The following SLIT2 variants were observed in gnomAD, a reference collection of about 807,000 sequenced individuals.
SLIT2 encodes the protein slit homolog 2 protein.
SLIT2 carries 41 observed loss-of-function variants against 185.7 expected under a neutral mutation model. The ratio of observed to expected loss-of-function variants is 0.22; its 90% confidence interval spans 0.17 to 0.29. The LOEUF is 0.29. SLIT2 is among the 10% of genes least tolerant of loss of function. SLIT2 has a pLI of 1.00. For missense variants in SLIT2, 1,571 were observed against 1,909.0 expected (o/e 0.82, Z 3.30); for synonymous variants, 693 against 680.2 (o/e 1.02, Z -0.29).
At chr4:20,267,822 G>A (rs960608994) in intron 3 of SLIT2, among the ~76,000 whole-genome samples, 6 of 151,600 alleles carry the variant, frequency 4.0e-5, no homozygotes, top group African/African-American at 1.5e-4. Context: ...AAATACCTCT[G>A]GTTTCCTCAG....
At chr4:20,357,328 C>G (rs959732216) in intron 4 of SLIT2, among the ~76,000 whole-genome samples, 1 of 152,034 alleles carries the variant, frequency 6.6e-6, no homozygotes, top group East Asian at 1.9e-4. Context: ...GTTTGTTAGT[C>G]CTAAGAGGCT....
chr4:20,253,421 G>T lies in SLIT2; in HGVS notation c.-395G>T, dbSNP rs186074485. 0.014 allele frequency: 3,177 copies of T among 227,352 alleles called. 35 individuals carry two copies. The highest frequency in any genetic ancestry group is 0.021 in the Non-Finnish European group (2,402 of 115,040). The allele number at this position is 227,352 out of a possible 1,614,324, so 14.1% of individuals were successfully genotyped here. ...GAAGCGTGCGTGGGATCAGAGGACC[G>T]CCCTCCCCACAACAACCGGCCCCTG... On this transcript the variant is annotated 5_prime_UTR_variant, in exon 1 of 37. Coordinates refer to ENST00000504154, the MANE Select transcript of SLIT2 (RefSeq NM_004787.4).
At chr4:20,255,907 T>C (rs1711772176) in intron 1 of SLIT2, among the ~76,000 whole-genome samples, 1 of 152,182 alleles carries the variant, frequency 6.6e-6, no homozygotes, top group Non-Finnish European at 1.5e-5. Context: ...CTGGTTTTAC[T>C]TGAAGTGATT....
At chr4:20,597,288 G>A (rs1460952736) in intron 32 of SLIT2, among the ~76,000 whole-genome samples, 3 of 151,874 alleles carry the variant, frequency 2.0e-5, no homozygotes, top group African/African-American at 4.8e-5. Flanking sequence ...GGATGGTCTC[G>A]AACTCCTAAC....
intron 30 of SLIT2, among the ~76,000 whole-genome samples, chr4:20,592,016 G>T (rs896940585): frequency 6.6e-6 from 1 of 152,138 alleles, no homozygotes; most frequent in African/African-American, 2.4e-5. Flanking sequence ...TTTCATAGCT[G>T]TATGTAGGTA....
intron 3 of SLIT2, among the ~76,000 whole-genome samples, chr4:20,258,625 G>A (rs1242785009): frequency 1.3e-5 from 2 of 151,624 alleles, no homozygotes; most frequent in African/African-American, 4.8e-5. Context: ...ATTACTTGAG[G>A]ACTTTAAAAA....
intron 4 of SLIT2, among the ~76,000 whole-genome samples, chr4:20,278,707 A>G (rs61790832): frequency 0.029 from 4,471 of 151,922 alleles, 105 homozygotes; most frequent in Middle Eastern, 0.071. Context: ...GAAAGAGAGG[A>G]GTAACAAAAC....
rs148880282 is a variant in SLIT2 at position 20,377,580 on chromosome 4, C to A, written c.396-90172C>A. Among the ~76,000 whole-genome samples the A allele has an allele frequency of 6.6e-3, 1,003 of 152,218 alleles. 12 individuals are homozygous for A. Among genetic ancestry groups the A allele is most frequent in the African/African-American group, 0.023 (959 of 41,544 alleles). ...TCTGGTGTTGATTGCATATGGCAGT[C>A]CCATCATAAACTTACTCAGCCCCTC... On this transcript the variant is annotated intron_variant, in intron 4 of 36. Coordinates refer to ENST00000504154, the MANE Select transcript of SLIT2 (RefSeq NM_004787.4).
chr4:20,309,105 G>A (rs1159371048), intron 4 of SLIT2, among the ~76,000 whole-genome samples: 1 of 151,710 alleles, frequency 6.6e-6, no homozygotes, highest in Non-Finnish European at 1.5e-5. Flanking sequence ...AGTTTCCTTG[G>A]GTTTTAGATA....
intron 4 of SLIT2, among the ~76,000 whole-genome samples, chr4:20,418,336 G>GA (rs1227837340): frequency 1.3e-5 from 2 of 152,008 alleles, no homozygotes; most frequent in African/African-American, 4.8e-5. Flanking sequence ...TTTATGTGTA[G>GA]AAAAAAACAC....
chr4:20,493,447 C>A (rs997087647), intron 9 of SLIT2, among the ~76,000 whole-genome samples: 2 of 152,112 alleles, frequency 1.3e-5, no homozygotes, highest in Admixed American at 1.3e-4. Flanking sequence ...CATTAATTTT[C>A]CTGAGATCAT....
intron 4 of SLIT2, among the ~76,000 whole-genome samples, chr4:20,462,493 C>T (rs577071986): frequency 1.8e-4 from 28 of 152,262 alleles, no homozygotes; most frequent in African/African-American, 5.8e-4. Context: ...TGTAAGTTCT[C>T]CCTGAGATGA....
Position 20,618,993 on chromosome 4 carries a change from C to G in SLIT2, c.4574C>G (p.Thr1525Arg), listed in dbSNP as rs115023064. 1.2e-6 allele frequency: 2 copies of G among 1,613,762 alleles called. No homozygotes were observed. The highest frequency in any genetic ancestry group is 1.1e-5 in the South Asian group (1 of 91,076). Residue 1525 changes from threonine to arginine, a missense_variant, in exon 37 of 37, where the codon ACG (threonine) becomes AGG (arginine). Transcript: ENST00000504154. ...GAGAAAGTGGTGAAGTGCGGCTGTA[C>G]GAGGTGTGTGTCCTAAACACACTCC... ...EVEKVVKCGC[T>R]RCVS
intron 14 of SLIT2, 82 bp from the exon 15 acceptor site, chr4:20,525,067 C>A: frequency 9.9e-7 from 1 of 1,006,996 alleles, no homozygotes; most frequent in Non-Finnish European, 1.6e-6. Context: ...AACTTTAGTC[C>A]ATTCTTAATC....
intron 1 of SLIT2, chr4:20,255,021 C>T: frequency 2.2e-6 from 1 of 456,338 alleles, no homozygotes; most frequent in Non-Finnish European, 4.4e-6. Context: ...AGCATGGAGG[C>T]CGTTCTCTTT....
At chr4:20,382,073 G>A (rs1724573859) in intron 4 of SLIT2, among the ~76,000 whole-genome samples, 1 of 151,852 alleles carries the variant, frequency 6.6e-6, no homozygotes, top group African/African-American at 2.4e-5. Flanking sequence ...TGCAAGGTTG[G>A]CTTTAAGATT....
intron 5 of SLIT2, among the ~76,000 whole-genome samples, chr4:20,472,564 C>CGATATATCTATATCAA (rs60691515): frequency 2.1e-4 from 1 of 4,662 alleles, no homozygotes; most frequent in South Asian, 0.011. Context: ...AGATATATAT[C>CGATATATCTATATCAA]TATATATAGA....
At chr4:20,410,050 G>A (rs1577600025) in intron 4 of SLIT2, among the ~76,000 whole-genome samples, 1 of 152,042 alleles carries the variant, frequency 6.6e-6, no homozygotes, top group Non-Finnish European at 1.5e-5. Flanking sequence ...TTATTTTGCT[G>A]TGCAGAAGCT....
chr4:20,555,367 G>A (rs1724157461), intron 26 of SLIT2, among the ~76,000 whole-genome samples: 1 of 152,086 alleles, frequency 6.6e-6, no homozygotes, highest in African/African-American at 2.4e-5. Flanking sequence ...CCTGGCTGGA[G>A]CCAAATTCCA....
Sources: gnomAD v4.1 joint callset for allele counts (sites outside exome capture counted in the v4.1 genomes callset) on GRCh38, gnomAD v4.1.1 for gene constraint, MANE v1.5 for transcripts, NCBI Gene and HGNC (gene_info 2026-07-23, HGNC 2026-07-21) for gene names.